The following AASDH variants were observed in gnomAD, a reference collection of about 807,000 sequenced individuals.
AASDH encodes the protein aminoadipate-semialdehyde dehydrogenase.
AASDH carries 81 observed loss-of-function variants against 102.3 expected under a neutral mutation model. The observed-to-expected ratio is 0.79, with a 90% CI of 0.66 to 0.95. AASDH has a LOEUF of 0.95. Among genes scored for constraint, AASDH ranks in the 40% least tolerant of loss-of-function variants. The pLI, the probability that AASDH is intolerant of heterozygous loss-of-function variation, is 0.00. For missense variants in AASDH, 1,203 were observed against 1,266.2 expected (o/e 0.95, Z 0.76); for synonymous variants, 398 against 454.0 (o/e 0.88, Z 1.57).
rs140589996 is a variant in AASDH at position 56,384,295 on chromosome 4, G to C, written c.5C>G (p.Thr2Ser). 1.2e-6 allele frequency: 2 copies of C among 1,613,658 alleles called. No individual in the cohort carries two copies. The highest frequency in any genetic ancestry group is 8.5e-7 in the Non-Finnish European group (1 of 1,179,724). ...AGCCTTATGCACCAATTCCTGAAGAGTCATTTCACTGAAGTTTATCTAAAC... is the reference window on the plus strand; with the variant it reads ...AGCCTTATGCACCAATTCCTGAAGACTCATTTCACTGAAGTTTATCTAAAC... M[T>S]LQELVHKAAS... is the part of the protein sequence containing the mutation. Residue 2 changes from threonine to serine, a missense_variant, in exon 2 of 15, where the codon ACT becomes AGT. Physicochemically the swap from Thr to Ser is moderately conservative, Grantham distance 58. Coordinates refer to ENST00000205214, the MANE Select transcript of AASDH (RefSeq NM_181806.4).
chr4:56,341,594 GGT>G (rs534216075), intron 14 of AASDH, among the ~76,000 whole-genome samples: 218 of 149,342 alleles, frequency 1.5e-3, no homozygotes, highest in African/African-American at 5.2e-3. Flanking sequence ...GTAGAGACGG[GGT>G]TTCACCATGT....
In AASDH at chr4:56,382,553, G is replaced by C; in HGVS notation, c.275C>G (p.Ser92Ter). ...AAAATGAGTTGATAATGACGGTGGT[G>C]AATCTGGCTCGATAGGTACATAAGC... ...PAAYVPIEPDSPPSLSTHFMK... is the reference protein window; with the variant it reads ...PAAYVPIEPD Residue 92 changes from serine (S) to a stop codon, truncating the protein, a stop_gained, in exon 3 of 15, where the codon TCA (serine) becomes TGA (stop). Coordinates refer to ENST00000205214, the MANE Select transcript of AASDH (RefSeq NM_181806.4). LOFTEE classifies it high-confidence loss of function. 5 of 1,611,404 alleles carry C rather than the reference G, an allele frequency of 3.1e-6. No homozygotes were observed. Among genetic ancestry groups the C allele is most frequent in the Non-Finnish European group, 4.2e-6 (5 of 1,178,358 alleles).
intron 9 of AASDH, among the ~76,000 whole-genome samples, chr4:56,351,743 G>A (rs1181892786): frequency 6.6e-6 from 1 of 151,854 alleles, no homozygotes; most frequent in Non-Finnish European, 1.5e-5. Flanking sequence ...ACCAGCCTGG[G>A]CAACACAGCA....
At chr4:56,372,573 C>T (rs1412183425) in intron 4 of AASDH, among the ~76,000 whole-genome samples, 2 of 152,158 alleles carry the variant, frequency 1.3e-5, no homozygotes, top group Non-Finnish European at 2.9e-5. Flanking sequence ...ACAGACACCA[C>T]TACATCTAAA....
At chr4:56,351,917 CAAAA>C (rs34850926) in intron 9 of AASDH, among the ~76,000 whole-genome samples, 2 of 99,428 alleles carry the variant, frequency 2.0e-5, no homozygotes, top group Non-Finnish European at 2.3e-5. Context: ...ACCCTATCTC[CAAAA>C]AAAAAAAAAA....
At chr4:56,373,872 C>T (rs1483620355) in intron 4 of AASDH, among the ~76,000 whole-genome samples, 2 of 151,330 alleles carry the variant, frequency 1.3e-5, no homozygotes, top group Non-Finnish European at 2.9e-5. Context: ...GCTTAAGATG[C>T]ATTCAATATA....
chr4:56,364,348 C>G (rs558310170), intron 5 of AASDH, among the ~76,000 whole-genome samples: 18 of 151,996 alleles, frequency 1.2e-4, no homozygotes, highest in Admixed American at 2.0e-4. Flanking sequence ...CCAACATTCA[C>G]ATTCAGGAAA....
chr4:56,372,808 T>G (rs1158879948), intron 4 of AASDH, among the ~76,000 whole-genome samples: 1 of 152,118 alleles, frequency 6.6e-6, no homozygotes, highest in African/African-American at 2.4e-5. Context: ...TTAATCAAAG[T>G]TTTATGAAAC....
At position 56,382,501 on chromosome 4, in the gene AASDH, G is replaced by A; in HGVS notation, c.327C>T (p.Ile109=). 6.3e-7 allele frequency: 1 copy of A among 1,588,568 alleles called. No homozygotes were observed. Among genetic ancestry groups the A allele is most frequent in the Non-Finnish European group, 8.6e-7 (1 of 1,160,472 alleles). The change falls in exon 3 of 15, where the codon ATC becomes ATT. Residue 109 remains isoleucine (I), a synonymous_variant. Transcript: ENST00000205214. ...CATTAATTTGTTTTTTTTCAACAAGGATATACTTTAGATTACATTTTTTCA... is the reference window on the plus strand; with the variant it reads ...CATTAATTTGTTTTTTTTCAACAAGAATATACTTTAGATTACATTTTTTCA... ...HFMKKCNLKY[I]LVEKKQINKF...
At chr4:56,362,899 G>A (rs912210681) in intron 5 of AASDH, among the ~76,000 whole-genome samples, 12 of 152,182 alleles carry the variant, frequency 7.9e-5, no homozygotes, top group African/African-American at 1.2e-4. Flanking sequence ...GCAGTGCACC[G>A]TGTGTAAGCC....
intron 3 of AASDH, 77 bp downstream of exon 3, chr4:56,382,400 A>C (rs1753074472): frequency 7.3e-7 from 1 of 1,373,470 alleles, no homozygotes; most frequent in Non-Finnish European, 1.0e-6. Context: ...TTAGGAATCC[A>C]GATGGGAGAA....
intron 5 of AASDH, among the ~76,000 whole-genome samples, chr4:56,359,809 G>A (rs368328588): frequency 2.0e-5 from 3 of 148,704 alleles, no homozygotes; most frequent in East Asian, 2.0e-4. Flanking sequence ...CACCCGCCTC[G>A]GCCTCCCAAA....
chr4:56,366,137 C>T (rs1466374118), intron 5 of AASDH, among the ~76,000 whole-genome samples: 1 of 152,160 alleles, frequency 6.6e-6, no homozygotes, highest in African/African-American at 2.4e-5. Flanking sequence ...GGATAAGTTC[C>T]TCAACACATA....
At position 56,378,052 on chromosome 4, in the gene AASDH, C is replaced by T. The variant is rs149429001; in HGVS notation, c.668+96G>A. ...AACTCCTGACCTCAAGTGATCCACCCGCCTCAGCCTCCCAAAGTGCTGGGA... is the reference window on the plus strand; with the variant it reads ...AACTCCTGACCTCAAGTGATCCACCTGCCTCAGCCTCCCAAAGTGCTGGGA... On this transcript the variant is annotated intron_variant, in intron 4 of 14. Coordinates refer to ENST00000205214, the MANE Select transcript of AASDH (RefSeq NM_181806.4). The T allele has an allele frequency of 3.3e-3, 4,078 of 1,219,602 alleles. 124 individuals are homozygous for T. In the African/African-American group the frequency reaches 0.055, roughly 16 times the overall value. The allele number at this position is 1,219,602 out of a possible 1,614,324, so 75.5% of individuals were successfully genotyped here. A position where few individuals can be genotyped will look rare whatever the true frequency, so the allele number is the denominator to read the frequency against.
chr4:56,374,758 G>A (rs1752158803), intron 4 of AASDH, among the ~76,000 whole-genome samples: 1 of 152,046 alleles, frequency 6.6e-6, no homozygotes, highest in Non-Finnish European at 1.5e-5. Context: ...TCTTTTGTCA[G>A]TTTAATTCTC....
intron 3 of AASDH, among the ~76,000 whole-genome samples, chr4:56,381,042 C>T (rs1752892736): frequency 6.6e-6 from 1 of 152,146 alleles, no homozygotes; most frequent in Admixed American, 6.5e-5. Flanking sequence ...TTTGCTGCGC[C>T]CAACTCCTTT....
chr4:56,339,577 C>G (rs1388793034), intron 14 of AASDH, among the ~76,000 whole-genome samples: 1 of 151,076 alleles, frequency 6.6e-6, no homozygotes, highest in Non-Finnish European at 1.5e-5. Context: ...ATGGTGAAAC[C>G]CCATCTCTAT....
chr4:56,347,500 G>A (rs574145824), intron 11 of AASDH, among the ~76,000 whole-genome samples: 1 of 152,272 alleles, frequency 6.6e-6, no homozygotes, highest in South Asian at 2.1e-4. Flanking sequence ...TAGTCAGGGG[G>A]AGATATTATA....
chr4:56,348,586 C>T (rs1187780475), intron 11 of AASDH, among the ~76,000 whole-genome samples: 2 of 152,042 alleles, frequency 1.3e-5, no homozygotes, highest in East Asian at 3.9e-4. Flanking sequence ...CAGAAGAAAA[C>T]AAAAAATGAT....
Sources: allele counts gnomAD v4.1 joint callset (sites outside exome capture counted in the v4.1 genomes callset), GRCh38; gene constraint gnomAD v4.1.1; transcripts MANE v1.5; gene names NCBI Gene and HGNC (gene_info 2026-07-23, HGNC 2026-07-21).